Variants in STYX observed in about 807,000 individuals in gnomAD.
STYX encodes the protein serine/threonine/tyrosine-interacting protein.
In STYX, 20 loss-of-function variants were observed where a neutral mutation model predicts 42.7. The observed-to-expected ratio is 0.47, with a 90% CI of 0.33 to 0.68. The LOEUF (loss-of-function observed/expected upper bound fraction) is 0.68, where lower values mean the gene tolerates loss of function less well. Ranked by LOEUF, STYX falls within the 30% of genes least tolerant of loss-of-function variation. STYX has a pLI of 0.02. For missense variants in STYX, 226 were observed against 268.5 expected (o/e 0.84, Z 1.11); for synonymous variants, 78 against 81.9 (o/e 0.95, Z 0.26).
At chr14:52,767,147 A>G (rs879316182) in intron 9 of STYX, among the ~76,000 whole-genome samples, 2 of 152,194 alleles carry the variant, frequency 1.3e-5, no homozygotes, top group Non-Finnish European at 2.9e-5. Flanking sequence ...TATTTGAGCA[A>G]AGACCTAAAG....
At chr14:52,759,240 A>G (rs938831552) in intron 8 of STYX, among the ~76,000 whole-genome samples, 5 of 152,080 alleles carry the variant, frequency 3.3e-5, no homozygotes, top group Non-Finnish European at 5.9e-5. Context: ...CTCCCACCTC[A>G]GCCTCTCAAG....
chr14:52,768,838 A>G lies in STYX; in HGVS notation c.505-2A>G. Reference sequence around the variant, plus strand: ...AAGTTAATTAACTTATTTTTTTTTTAGGAATATGAAGCCATCTACCTAGCA... The same window carrying G: ...AAGTTAATTAACTTATTTTTTTTTTGGGAATATGAAGCCATCTACCTAGCA... On this transcript the variant is annotated splice_acceptor_variant, in intron 9 of 10. Transcript: ENST00000354586. LOFTEE classifies it high-confidence loss of function. 6.5e-7 allele frequency: 1 copy of G among 1,538,744 alleles called. No homozygotes were observed. The highest frequency in any genetic ancestry group is 8.7e-7 in the Non-Finnish European group (1 of 1,144,062).
rs779718028 is a variant in STYX, at chr14:52,750,738, T to C, written c.200T>C (p.Ile67Thr). 2 of 1,597,018 alleles carry C rather than the reference T, an allele frequency of 1.3e-6. No homozygotes were observed. The highest frequency in any genetic ancestry group is 1.7e-6 in the Non-Finnish European group (2 of 1,173,450). Reference sequence around the variant, plus strand: ...CATATAATATGCATACGACAAAATATTGAAGCAAACTTTATTAAACCAAAC... The same window carrying C: ...CATATAATATGCATACGACAAAATACTGAAGCAAACTTTATTAAACCAAAC... ...ITHIICIRQN[I>T]EANFIKPNFQ... Residue 67 changes from isoleucine (I) to threonine (T), a missense_variant, in exon 4 of 11, where the codon ATT becomes ACT. Ile to Thr is a moderately conservative substitution (Grantham distance 89). Coordinates refer to ENST00000354586, the MANE Select transcript of STYX (RefSeq NM_145251.4).
intron 3 of STYX, among the ~76,000 whole-genome samples, chr14:52,747,957 A>G (rs1333147865): frequency 6.6e-6 from 1 of 152,198 alleles, no homozygotes; most frequent in Non-Finnish European, 1.5e-5. Context: ...GCACCACTGT[A>G]CTCCAGCCTG....
At chr14:52,730,590 C>T in intron 1 of STYX, 59 bp downstream of exon 1, 2 of 1,569,326 alleles carry the variant, frequency 1.3e-6, no homozygotes, top group Non-Finnish European at 1.7e-6. Flanking sequence ...GGCCGAGGGG[C>T]GACCCCAGTC....
At chr14:52,740,371 C>T (rs1010911393) in intron 1 of STYX, among the ~76,000 whole-genome samples, 1 of 152,144 alleles carries the variant, frequency 6.6e-6, no homozygotes, top group Non-Finnish European at 1.5e-5. Flanking sequence ...TGTTAATATC[C>T]ATAAATTAGT....
rs561668150 is a variant in STYX at position 52,770,963 on chromosome 14, T to G, written c.599-70T>G. ...ATACATGATCACTTAATAACAAAAT[T>G]TTACTTGCTGTAACCTTTTAACATG... On this transcript the variant is annotated intron_variant, in intron 10 of 10. Coordinates refer to ENST00000354586, the MANE Select transcript of STYX (RefSeq NM_145251.4). 194 of 1,454,252 alleles carry G rather than the reference T, an allele frequency of 1.3e-4. No individual in the cohort carries two copies. The African/African-American group carries it at 2.5e-3, about 19-fold the overall frequency. The allele number at this position is 1,454,252 out of a possible 1,614,324, so 90.1% of individuals were successfully genotyped here.
intron 1 of STYX, among the ~76,000 whole-genome samples, chr14:52,735,881 ATCAG>A (rs1386724638): frequency 1.3e-5 from 2 of 152,354 alleles, no homozygotes; most frequent in East Asian, 1.9e-4. Context: ...AAAAATTTAG[ATCAG>A]TCAGTTTGTG....
chr14:52,745,328 G>T (rs1881356263), intron 2 of STYX, among the ~76,000 whole-genome samples: 1 of 152,072 alleles, frequency 6.6e-6, no homozygotes, highest in African/African-American at 2.4e-5. Flanking sequence ...CCTTGTTCAG[G>T]CTGGTCTCAC....
chr14:52,744,837 T>C lies in STYX; in HGVS notation c.58-15T>C, dbSNP rs200661777. 583 of 1,612,890 alleles carry C rather than the reference T, an allele frequency of 3.6e-4. 3 individuals are homozygous for C. Among genetic ancestry groups the C allele is most frequent in the South Asian group, 1.5e-3 (139 of 90,868 alleles). On this transcript the variant is annotated splice_polypyrimidine_tract_variant and intron_variant, in intron 1 of 10. Transcript: ENST00000354586. ...TAAATGTTATCTACTTTTATTCTTA[T>C]GTTTTCCTTCCCAGGAGTGGACCTA...
At chr14:52,746,316 T>G in intron 2 of STYX, 110 bp from the exon 3 acceptor site, 1 of 696,582 alleles carries the variant, frequency 1.4e-6, no homozygotes. Flanking sequence ...GTTCCAATCT[T>G]GTTGTATCTT....
intron 1 of STYX, among the ~76,000 whole-genome samples, chr14:52,742,179 A>G (rs1881219934): frequency 6.6e-6 from 1 of 152,318 alleles, no homozygotes; most frequent in East Asian, 1.9e-4. Flanking sequence ...CTCCACCACT[A>G]CCAATACCTA....
rs1882413729 is a variant in STYX, at chr14:52,769,038, T to G, written c.598+105T>G. 3 of 804,678 alleles carry G rather than the reference T, an allele frequency of 3.7e-6. No homozygotes were observed. In the East Asian group the frequency reaches 8.0e-5, roughly 21 times the overall value. The allele number at this position is 804,678 out of a possible 1,614,324, so 49.8% of individuals were successfully genotyped here. A position where few individuals can be genotyped will look rare whatever the true frequency, so the allele number is the denominator to read the frequency against. ...CAATTTAAATTGTTTAGAAAACTTG[T>G]TAAACTATTGAGCTAATTCCAGAAG... On this transcript the variant is annotated intron_variant, in intron 10 of 10. Coordinates refer to ENST00000354586, the MANE Select transcript of STYX (RefSeq NM_145251.4).
At chr14:52,769,286 G>T (rs1414301910) in intron 10 of STYX, among the ~76,000 whole-genome samples, 1 of 151,946 alleles carries the variant, frequency 6.6e-6, no homozygotes, top group Non-Finnish European at 1.5e-5. Flanking sequence ...TCCTCCCTCT[G>T]TTGCTATTTC....
chr14:52,746,990 C>A (rs141975130), intron 3 of STYX, among the ~76,000 whole-genome samples: 4 of 152,108 alleles, frequency 2.6e-5, no homozygotes, highest in Non-Finnish European at 4.4e-5. Flanking sequence ...GTATGTCACT[C>A]GAAGGAAATC....
At chr14:52,730,917 C>G (rs1043503970) in intron 1 of STYX, among the ~76,000 whole-genome samples, 1 of 152,190 alleles carries the variant, frequency 6.6e-6, no homozygotes, top group Non-Finnish European at 1.5e-5. Context: ...CATGGCCCCA[C>G]ATGTGAAATA....
intron 4 of STYX, 44 bp from the exon 5 acceptor site, chr14:52,756,507 T>C: frequency 9.1e-7 from 1 of 1,100,222 alleles, no homozygotes; most frequent in Admixed American, 2.4e-5. Flanking sequence ...GTACCTTAAG[T>C]GTTTTACTTA....
At chr14:52,733,524 G>C (rs531199392) in intron 1 of STYX, among the ~76,000 whole-genome samples, 2 of 152,278 alleles carry the variant, frequency 1.3e-5, no homozygotes, top group South Asian at 4.1e-4. Flanking sequence ...ACAAGTAGTA[G>C]GTTGTCACCT....
At chr14:52,746,016 T>C (rs1211456034) in intron 2 of STYX, among the ~76,000 whole-genome samples, 2 of 152,246 alleles carry the variant, frequency 1.3e-5, no homozygotes, top group African/African-American at 4.8e-5. Flanking sequence ...TGAATTTACA[T>C]AAAATAAATT....
Sources: allele counts gnomAD v4.1 joint callset (sites outside exome capture counted in the v4.1 genomes callset), GRCh38; gene constraint gnomAD v4.1.1; transcripts MANE v1.5; gene names NCBI Gene and HGNC (gene_info 2026-07-23, HGNC 2026-07-21).